The following CDH20 variants were observed in gnomAD, a reference collection of about 807,000 sequenced individuals.
The protein encoded by CDH20 is cadherin-20.
A neutral mutation model predicts 74.2 loss-of-function variants in CDH20; 29 were observed. The observed-to-expected ratio is 0.39, with a 90% CI of 0.29 to 0.53. CDH20 has a LOEUF of 0.53. CDH20 is among the 20% of genes least tolerant of loss of function. The pLI is 0.69. For synonymous variants in CDH20, 469 were observed against 405.4 expected (o/e 1.16, Z -1.88); for missense variants, 988 against 1,048.3 (o/e 0.94, Z 0.79).
intron 6 of CDH20, among the ~76,000 whole-genome samples, chr18:61,524,695 C>T (rs1480147057): frequency 2.0e-5 from 3 of 152,176 alleles, no homozygotes; most frequent in Non-Finnish European, 4.4e-5. Context: ...CCGAGGTGGG[C>T]CTATCACCTG....
In CDH20 at chr18:61,545,047, G is replaced by A. The variant is rs562349596; in HGVS notation, c.1551G>A (p.Ala517=). The stretch of plus-strand genomic sequence containing the variant: ...CTCAGCTGATCCAGACAGTGAGTGC[G>A]GTGGACCAAGATGACCCACGCAATG... ...KAGQLIQTVS[A]VDQDDPRNGQ... is the part of the protein sequence containing the mutation. Residue 517 remains alanine (A), a synonymous_variant, in exon 10 of 12, where the codon GCG becomes GCA. Transcript: ENST00000262717. 35 of 1,613,174 alleles carry A rather than the reference G, an allele frequency of 2.2e-5. No individual in the cohort carries two copies. The highest frequency in any genetic ancestry group is 2.5e-5 in the Non-Finnish European group (29 of 1,179,222).
At chr18:61,523,424 CA>C (rs2144362030) in intron 6 of CDH20, among the ~76,000 whole-genome samples, 1 of 152,184 alleles carries the variant, frequency 6.6e-6, no homozygotes. Flanking sequence ...ACAACAGATG[CA>C]GGAGAGGATG....
rs564970075 is a variant in CDH20, at chr18:61,521,300, T to C, written c.1018-6667T>C. On this transcript the variant is annotated intron_variant, in intron 6 of 11. Transcript: ENST00000262717. The stretch of plus-strand genomic sequence containing the variant: ...CATCAGGGAATACTATAAACACTTC[T>C]ATGCAAATAAACTAGAAAATCTAGA... Among the ~76,000 whole-genome samples, 4 of 151,438 alleles carry C rather than the reference T, an allele frequency of 2.6e-5. No individual in the cohort carries two copies. The South Asian group carries it at 8.3e-4, about 31-fold the overall frequency.
intron 1 of CDH20, among the ~76,000 whole-genome samples, chr18:61,448,580 T>C (rs1365168249): frequency 6.6e-6 from 1 of 152,232 alleles, no homozygotes; most frequent in African/African-American, 2.4e-5. Flanking sequence ...CTCATGCTCT[T>C]CTACAGTCAG....
At chr18:61,346,293 C>A (rs1384756872) in intron 1 of CDH20, among the ~76,000 whole-genome samples, 1 of 152,146 alleles carries the variant, frequency 6.6e-6, no homozygotes, top group Non-Finnish European at 1.5e-5. Context: ...CCTTCCGCAC[C>A]TTGACCCCAC....
intron 1 of CDH20, among the ~76,000 whole-genome samples, chr18:61,477,248 G>C (rs1910421328): frequency 6.6e-6 from 1 of 152,120 alleles, no homozygotes; most frequent in South Asian, 2.1e-4. Flanking sequence ...GTGGTACTAA[G>C]GAGAAGACAA....
intron 1 of CDH20, among the ~76,000 whole-genome samples, chr18:61,396,388 A>G (rs1038319415): frequency 2.0e-5 from 3 of 151,990 alleles, no homozygotes; most frequent in Admixed American, 1.3e-4. Flanking sequence ...CTCTGTGGGT[A>G]CCTTCACCTG....
At chr18:61,539,549 C>T (rs1052072925) in intron 9 of CDH20, among the ~76,000 whole-genome samples, 3 of 152,172 alleles carry the variant, frequency 2.0e-5, no homozygotes, top group African/African-American at 7.2e-5. Context: ...AGGTATGTGT[C>T]CACCTGGAAA....
chr18:61,461,259 G>A (rs1909757089), intron 1 of CDH20, among the ~76,000 whole-genome samples: 2 of 136,932 alleles, frequency 1.5e-5, no homozygotes, highest in Admixed American at 1.6e-4. Flanking sequence ...ACTAACTATA[G>A]AAAAATAATT....
intron 1 of CDH20, among the ~76,000 whole-genome samples, chr18:61,489,013 C>G (rs75071889): frequency 6.6e-6 from 1 of 152,176 alleles, no homozygotes; most frequent in African/African-American, 2.4e-5. Flanking sequence ...ATGAGGTGCA[C>G]CTGGCTTGCT....
intron 11 of CDH20, among the ~76,000 whole-genome samples, chr18:61,552,572 C>T (rs2144415678): frequency 6.6e-6 from 1 of 152,260 alleles, no homozygotes; most frequent in South Asian, 2.1e-4. Flanking sequence ...TCAAGGTCAC[C>T]TCTGTGAAGC....
intron 1 of CDH20, among the ~76,000 whole-genome samples, chr18:61,439,184 A>G (rs922526157): frequency 6.6e-6 from 1 of 152,132 alleles, no homozygotes; most frequent in Admixed American, 6.6e-5. Context: ...GATCAATTGT[A>G]CCCCAAGCCT....
At chr18:61,534,923 C>G (rs1014498750) in intron 7 of CDH20, among the ~76,000 whole-genome samples, 4 of 152,106 alleles carry the variant, frequency 2.6e-5, no homozygotes, top group Non-Finnish European at 5.9e-5. Context: ...AGGTAATAGA[C>G]ATGTTAATTA....
chr18:61,454,836 G>T (rs1428895497), intron 1 of CDH20, among the ~76,000 whole-genome samples: 1 of 152,196 alleles, frequency 6.6e-6, no homozygotes, highest in East Asian at 1.9e-4. Context: ...CATCCTCGGG[G>T]TTTGTAGGTC....
chr18:61,547,677 T>C (rs1028433610), intron 10 of CDH20, among the ~76,000 whole-genome samples: 2 of 152,126 alleles, frequency 1.3e-5, no homozygotes, highest in South Asian at 2.1e-4. Flanking sequence ...GCATTAAAAC[T>C]GGGATTAGAA....
chr18:61,372,217 A>G (rs1223324232), intron 1 of CDH20, among the ~76,000 whole-genome samples: 2 of 152,058 alleles, frequency 1.3e-5, no homozygotes, highest in African/African-American at 4.8e-5. Flanking sequence ...GCTCTCTAGA[A>G]GTTTTTCAGG....
intron 6 of CDH20, among the ~76,000 whole-genome samples, chr18:61,510,696 C>T (rs1404695481): frequency 6.6e-6 from 1 of 152,138 alleles, no homozygotes; most frequent in Non-Finnish European, 1.5e-5. Context: ...ATGACCTTGA[C>T]ACAATGCAAA....
intron 1 of CDH20, among the ~76,000 whole-genome samples, chr18:61,341,214 TC>T (rs536143846): frequency 8.7e-4 from 133 of 152,330 alleles, no homozygotes; most frequent in African/African-American, 3.1e-3. Flanking sequence ...TTTTTCATGG[TC>T]CTGGAGGCTG....
At chr18:61,460,100 A>AT (rs1407792206) in intron 1 of CDH20, among the ~76,000 whole-genome samples, 1 of 152,206 alleles carries the variant, frequency 6.6e-6, no homozygotes, top group African/African-American at 2.4e-5. Context: ...CAAACAAAAA[A>AT]AAATGACCTA....
Sources: allele counts gnomAD v4.1 joint callset (sites outside exome capture counted in the v4.1 genomes callset), GRCh38; gene constraint gnomAD v4.1.1; transcripts MANE v1.5; gene names NCBI Gene and HGNC (gene_info 2026-07-23, HGNC 2026-07-21).